STYXL2: variants seen among roughly 807,000 people sequenced by gnomAD.
STYXL2 encodes the protein serine/threonine/tyrosine-interacting-like protein 2.
STYXL2 carries 44 observed loss-of-function variants against 52.4 expected under a neutral mutation model. The observed-to-expected ratio is 0.84, with a 90% CI of 0.66 to 1.08. The LOEUF is 1.08. Ranked by LOEUF, STYXL2 falls within the 50% of genes least tolerant of loss-of-function variation. The pLI is 0.00. For synonymous variants in STYXL2, 604 were observed against 586.9 expected (o/e 1.03, Z -0.42); for missense variants, 1,604 against 1,471.7 (o/e 1.09, Z -1.47).
rs748668991 is a variant in STYXL2, at chr1:167,126,003, G to A, written c.872G>A (p.Gly291Glu). Reference sequence around the variant, plus strand: ...GAAGAGGACTATGGCCGGGAGGGGGGATCAGCTGAGGCTGAGGAGGGCGAG... The same window carrying A: ...GAAGAGGACTATGGCCGGGAGGGGGAATCAGCTGAGGCTGAGGAGGGCGAG... ...EREEDYGREG[G>E]SAEAEEGEGT... Residue 291 changes from glycine (G) to glutamate (E), a missense_variant, in exon 6 of 6, where the codon GGA (glycine) becomes GAA (glutamate). By Grantham distance (98) the Gly-to-Glu change is moderately conservative. Transcript: ENST00000361200. The A allele has an allele frequency of 1.6e-5, 25 of 1,609,640 alleles. No individual in the cohort carries two copies. The highest frequency in any genetic ancestry group is 2.0e-5 in the Non-Finnish European group (24 of 1,178,020).
intron 2 of STYXL2, among the ~76,000 whole-genome samples, chr1:167,108,244 C>G (rs1667545271): frequency 6.6e-6 from 1 of 152,218 alleles, no homozygotes; most frequent in Non-Finnish European, 1.5e-5. Flanking sequence ...CAAACCCTGA[C>G]TGATCACCCT....
At position 167,119,457 on chromosome 1, in the gene STYXL2, A is replaced by T; in HGVS notation, c.646A>T (p.Thr216Ser). 2 of 1,614,026 alleles carry T rather than the reference A, an allele frequency of 1.2e-6. No individual in the cohort carries two copies. Among genetic ancestry groups the T allele is most frequent in the Non-Finnish European group, 8.5e-7 (1 of 1,179,990 alleles). ...ASEFLDEALLTYRGKVLVSSE... is the reference protein window; with the variant it reads ...ASEFLDEALLSYRGKVLVSSE... Reference sequence around the variant, plus strand: ...TGAGTTCCTGGATGAGGCGCTGCTGACTTACAGAGGTGAGAGGGATCTGCC... The same window carrying T: ...TGAGTTCCTGGATGAGGCGCTGCTGTCTTACAGAGGTGAGAGGGATCTGCC... Residue 216 changes from threonine (T) to serine (S), a missense_variant, in exon 5 of 6, where the codon ACT (threonine) becomes TCT (serine). Physicochemically the swap from Thr to Ser is moderately conservative, Grantham distance 58 (BLOSUM62 1). Transcript: ENST00000361200.
intron 1 of STYXL2, 83 bp from the exon 2 acceptor site, chr1:167,094,751 G>T: frequency 1.1e-6 from 1 of 913,578 alleles, no homozygotes; most frequent in Non-Finnish European, 1.7e-6. Context: ...TTCCACTGAG[G>T]TGACATCACC....
intron 5 of STYXL2, among the ~76,000 whole-genome samples, chr1:167,121,008 T>TA (rs1667845946): frequency 1.5e-5 from 2 of 131,880 alleles, no homozygotes; most frequent in South Asian, 4.7e-4. Context: ...TTTCAATGCT[T>TA]AAAAACTCCT....
intron 2 of STYXL2, among the ~76,000 whole-genome samples, chr1:167,101,629 C>A (rs903923933): frequency 6.6e-6 from 1 of 151,990 alleles, no homozygotes. Flanking sequence ...CAGAGTGAAA[C>A]CCCATCTTAA....
rs201615244 is a variant in STYXL2 at position 167,094,843 on chromosome 1, G to A, written c.-7G>A. The A allele has an allele frequency of 6.2e-7, 1 of 1,611,162 alleles. No homozygotes were observed. Among genetic ancestry groups the A allele is most frequent in the Admixed American group, 1.7e-5 (1 of 59,688 alleles). Reference sequence around the variant, plus strand: ...CTTGCCAAACTTTCAGAGGTTGGCAGGTTGTCATGGCGACCAGAAAGGACA... The same window carrying A: ...CTTGCCAAACTTTCAGAGGTTGGCAAGTTGTCATGGCGACCAGAAAGGACA... On this transcript the variant is annotated 5_prime_UTR_variant, in exon 2 of 6. Coordinates refer to ENST00000361200, the MANE Select transcript of STYXL2 (RefSeq NM_001080426.3).
intron 5 of STYXL2, among the ~76,000 whole-genome samples, chr1:167,120,880 A>G (rs1667840926): frequency 8.5e-6 from 1 of 117,196 alleles, no homozygotes; most frequent in Non-Finnish European, 1.8e-5. Context: ...ATATATATAT[A>G]TATATACAGA....
At chr1:167,109,126 C>T (rs1667565305) in intron 2 of STYXL2, among the ~76,000 whole-genome samples, 1 of 152,154 alleles carries the variant, frequency 6.6e-6, no homozygotes, top group Non-Finnish European at 1.5e-5. Flanking sequence ...TCCAGCTGAA[C>T]TTTGTAATAA....
Position 167,128,363 on chromosome 1 carries a change from G to C in STYXL2, c.3232G>C (p.Asp1078His), listed in dbSNP as rs141210749. The part of the protein sequence containing the change: ...WEDVEESSKS[D>H]FSEFGAKRKF... ...AGATGTGGAAGAGTCATCCAAGTCA[G>C]ACTTCTCTGAATTTGGAGCCAAGAG... Residue 1078 changes from aspartate to histidine, a missense_variant, in exon 6 of 6, where the codon GAC (aspartate) becomes CAC (histidine). Transcript: ENST00000361200. The C allele has an allele frequency of 7.4e-5, 120 of 1,614,170 alleles. No individual in the cohort carries two copies. The African/African-American group carries it at 1.5e-3, about 20-fold the overall frequency.
At chr1:167,106,686 T>C (rs1667511448) in intron 2 of STYXL2, among the ~76,000 whole-genome samples, 2 of 152,206 alleles carry the variant, frequency 1.3e-5, no homozygotes, top group Admixed American at 1.3e-4. Context: ...TGAAATATTG[T>C]CATATGAAAA....
chr1:167,125,824 G>A lies in STYXL2; in HGVS notation c.693G>A (p.Arg231=), dbSNP rs142451756. The part of the protein sequence containing the change: ...VLVSSEMGIS[R]SAVLVVAYLM... ...TCAGCAGCGAAATGGGCATCAGCCG[G>A]TCAGCAGTGCTGGTGGTCGCCTACC... The change falls in exon 6 of 6, where the codon CGG becomes CGA. Residue 231 remains arginine, a synonymous_variant. Transcript: ENST00000361200. 94 of 1,610,678 alleles carry A rather than the reference G, an allele frequency of 5.8e-5. No individual in the cohort carries two copies. The highest frequency in any genetic ancestry group is 3.3e-4 in the Middle Eastern group (2 of 6,050).
At position 167,121,041 on chromosome 1, in the gene STYXL2, C is replaced by T. The variant is rs113790264; in HGVS notation, c.655+1575C>T. Reference sequence around the variant, plus strand: ...CCTTTTTTTTTTTTAGGCGGAGTCTCGCTCTTGTCGCCCAGTCTAGAGTGC... The same window carrying T: ...CCTTTTTTTTTTTTAGGCGGAGTCTTGCTCTTGTCGCCCAGTCTAGAGTGC... On this transcript the variant is annotated intron_variant, in intron 5 of 5. Transcript: ENST00000361200. 8.2e-3 allele frequency among the ~76,000 whole-genome samples: 1,184 copies of T among 145,272 alleles called. 6 individuals are homozygous for T. The highest frequency in any genetic ancestry group is 0.028 in the African/African-American group (1,095 of 38,706).
At chr1:167,120,084 C>T (rs566993898) in intron 5 of STYXL2, among the ~76,000 whole-genome samples, 203 of 152,288 alleles carry the variant, frequency 1.3e-3, no homozygotes, top group African/African-American at 4.7e-3. Flanking sequence ...TGGAGCGGCA[C>T]CTTGATCTGA....
At chr1:167,121,255 C>T (rs1185917769) in intron 5 of STYXL2, among the ~76,000 whole-genome samples, 1 of 152,124 alleles carries the variant, frequency 6.6e-6, no homozygotes, top group Non-Finnish European at 1.5e-5. Flanking sequence ...TCAGGTGATC[C>T]GCCCGCCTCG....
chr1:167,126,853 G>A lies in STYXL2; in HGVS notation c.1722G>A (p.Glu574=). The part of the protein sequence containing the change: ...GDSSGEPGAE[E]AVGEKNPSDV... ...GCAGCGGTGAGCCCGGTGCAGAGGA[G>A]GCAGTAGGGGAGAAGAACCCCTCCG... The change falls in exon 6 of 6, where the codon GAG becomes GAA. Residue 574 remains glutamate (E), a synonymous_variant. Transcript: ENST00000361200. 2 of 1,614,086 alleles carry A rather than the reference G, an allele frequency of 1.2e-6. No individual in the cohort carries two copies. The highest frequency in any genetic ancestry group is 1.7e-6 in the Non-Finnish European group (2 of 1,179,980).
chr1:167,117,054 G>A (rs538425973), intron 3 of STYXL2, among the ~76,000 whole-genome samples: 64 of 152,286 alleles, frequency 4.2e-4, no homozygotes, highest in Admixed American at 3.1e-3. Context: ...AAAAATTATC[G>A]ACCAGCTTCA....
At position 167,126,270 on chromosome 1, in the gene STYXL2, G is replaced by A. The variant is rs758855328; in HGVS notation, c.1139G>A (p.Gly380Asp). 2.0e-5 allele frequency: 31 copies of A among 1,543,856 alleles called. No individual in the cohort carries two copies. The highest frequency in any genetic ancestry group is 4.2e-5 in the Admixed American group (2 of 48,086). Residue 380 changes from glycine to aspartate, a missense_variant, in exon 6 of 6, where the codon GGT becomes GAT. Gly to Asp is a moderately conservative substitution (Grantham distance 94). Transcript: ENST00000361200. Reference protein sequence around the residue: ...GGWRSASSGQGGEELEDEDVE... With the variant: ...GGWRSASSGQDGEELEDEDVE... ...TGGCGCTCAGCCTCCTCTGGCCAGGGTGGGGAGGAGCTCGAGGACGAGGAC... is the reference window on the plus strand; with the variant it reads ...TGGCGCTCAGCCTCCTCTGGCCAGGATGGGGAGGAGCTCGAGGACGAGGAC...
rs1667636661 is a variant in STYXL2, at chr1:167,112,351, A to G, written c.111-1359A>G. The stretch of plus-strand genomic sequence containing the variant: ...TGACACTGAGCACACCATTCTCCCT[A>G]GGGTGGACTCTGATGTTGTGGATGC... On this transcript the variant is annotated intron_variant, in intron 2 of 5. Transcript: ENST00000361200. Among the ~76,000 whole-genome samples, 2 of 152,116 alleles carry G rather than the reference A, an allele frequency of 1.3e-5. 1 individual carries two copies. The highest frequency in any genetic ancestry group is 4.2e-4 in the South Asian group (2 of 4,818).
chr1:167,116,851 T>C lies in STYXL2; in HGVS notation c.206-477T>C, dbSNP rs73031165. On this transcript the variant is annotated intron_variant, in intron 3 of 5. Transcript: ENST00000361200. ...TTTTTGTAGGGACAGTGTTTCACCA[T>C]GTTGGTCAGATTGGTCTTGAACTGC... Among the ~76,000 whole-genome samples the C allele has an allele frequency of 8.1e-3, 1,240 of 152,236 alleles. 6 individuals are homozygous for C. Among genetic ancestry groups the C allele is most frequent in the African/African-American group, 0.028 (1,155 of 41,540 alleles).
Sources: allele counts gnomAD v4.1 joint callset (sites outside exome capture counted in the v4.1 genomes callset), GRCh38; gene constraint gnomAD v4.1.1; transcripts MANE v1.5; gene names NCBI Gene and HGNC (gene_info 2026-07-23, HGNC 2026-07-21).